The following LAMA2 variants were observed in gnomAD, a reference collection of about 807,000 sequenced individuals.
The protein encoded by LAMA2 is laminin subunit alpha 2.
LAMA2 carries 269 observed loss-of-function variants against 364.8 expected under a neutral mutation model. That is an observed-to-expected ratio of 0.74 (90% CI 0.67 to 0.82). LAMA2 has a LOEUF of 0.82. Among genes scored for constraint, LAMA2 ranks in the 40% least tolerant of loss-of-function variants. The pLI is 0.00. For missense variants in LAMA2, 3,807 were observed against 3,873.2 expected (o/e 0.98, Z 0.45); for synonymous variants, 1,379 against 1,370.6 (o/e 1.01, Z -0.14).
chr6:129,403,704 A>G, intron 39 of LAMA2, 117 bp from the exon 40 acceptor site: 1 of 913,094 alleles, frequency 1.1e-6, no homozygotes, highest in South Asian at 1.4e-5. Flanking sequence ...ATTATTTGGA[A>G]TTGTCATAGA....
chr6:129,361,787 T>TTA (rs1777476489), intron 32 of LAMA2, among the ~76,000 whole-genome samples: 1 of 148,396 alleles, frequency 6.7e-6, no homozygotes, highest in Admixed American at 6.7e-5. Flanking sequence ...AGTAACCTTT[T>TTA]TTTTTTTTTT....
intron 4 of LAMA2, among the ~76,000 whole-genome samples, chr6:129,140,971 A>G (rs1778089871): frequency 6.6e-6 from 1 of 152,006 alleles, no homozygotes; most frequent in African/African-American, 2.4e-5. Flanking sequence ...TTTTTTCCAA[A>G]AAGGTCCTTT....
chr6:129,403,940 C>T lies in LAMA2; in HGVS notation c.5846C>T (p.Ala1949Val). ...GTTGCCAAAGAAGCCAAAGATCTTG[C>T]ACATGAAGCTACAAAACTGGTAAGA... ...EKVAKEAKDLAHEATKLATGP... is the reference protein window; with the variant it reads ...EKVAKEAKDLVHEATKLATGP... The change falls in exon 40 of 65, where the codon GCA becomes GTA. Residue 1949 changes from alanine to valine, a missense_variant. By Grantham distance (64) the Ala-to-Val change is moderately conservative. Coordinates refer to ENST00000421865, the MANE Select transcript of LAMA2 (RefSeq NM_000426.4). 6.2e-7 allele frequency: 1 copy of T among 1,613,886 alleles called. No homozygotes were observed. Among genetic ancestry groups the T allele is most frequent in the African/African-American group, 1.3e-5 (1 of 75,038 alleles).
intron 12 of LAMA2, among the ~76,000 whole-genome samples, chr6:129,231,544 C>T (rs1784669150): frequency 6.6e-6 from 1 of 152,064 alleles, no homozygotes; most frequent in South Asian, 2.1e-4. Context: ...AAATGTTTTA[C>T]AATATTACAT....
chr6:128,983,542 A>G (rs1290947792), intron 1 of LAMA2, among the ~76,000 whole-genome samples: 1 of 152,206 alleles, frequency 6.6e-6, no homozygotes, highest in African/African-American at 2.4e-5. Context: ...AAATGGGAGT[A>G]TTCTAGATGC....
chr6:129,498,227 G>C (rs1785345009), intron 58 of LAMA2, among the ~76,000 whole-genome samples: 1 of 152,204 alleles, frequency 6.6e-6, no homozygotes. Flanking sequence ...AAGTAGCCAT[G>C]GAGAATTCCT....
intron 15 of LAMA2, among the ~76,000 whole-genome samples, chr6:129,264,085 G>A (rs1787324004): frequency 6.6e-6 from 1 of 152,124 alleles, no homozygotes; most frequent in Non-Finnish European, 1.5e-5. Flanking sequence ...GCTACAGTAG[G>A]AAGAATGTGT....
At chr6:128,901,476 C>T (rs1007372932) in intron 1 of LAMA2, among the ~76,000 whole-genome samples, 3 of 152,052 alleles carry the variant, frequency 2.0e-5, no homozygotes, top group Admixed American at 2.0e-4. Flanking sequence ...TATATACTAC[C>T]TTATATACTA....
intron 3 of LAMA2, among the ~76,000 whole-genome samples, chr6:129,091,966 C>G (rs2114860820): frequency 6.6e-6 from 1 of 152,172 alleles, no homozygotes; most frequent in Non-Finnish European, 1.5e-5. Context: ...TTTTGTTACA[C>G]AGTAAGAGCC....
chr6:129,080,257 G>A (rs535895281), intron 3 of LAMA2, among the ~76,000 whole-genome samples: 1 of 152,224 alleles, frequency 6.6e-6, no homozygotes, highest in African/African-American at 2.4e-5. Context: ...AAACAATAGA[G>A]CACAAGATGA....
At chr6:129,215,345 G>A (rs922469842) in intron 12 of LAMA2, among the ~76,000 whole-genome samples, 1 of 151,844 alleles carries the variant, frequency 6.6e-6, no homozygotes, top group Admixed American at 6.6e-5. Context: ...GTCATAAAGG[G>A]CTATGTTATG....
intron 22 of LAMA2, among the ~76,000 whole-genome samples, chr6:129,305,595 A>G (rs1773815697): frequency 6.6e-6 from 1 of 152,092 alleles, no homozygotes; most frequent in Non-Finnish European, 1.5e-5. Context: ...ACAGGTGTAT[A>G]CCACCATGCC....
chr6:129,138,711 G>A (rs186509179), intron 4 of LAMA2, among the ~76,000 whole-genome samples: 3 of 152,100 alleles, frequency 2.0e-5, no homozygotes, highest in East Asian at 1.9e-4. Context: ...TTCTGATAAG[G>A]TATGGTAAGA....
At chr6:128,956,682 T>C (rs924235268) in intron 1 of LAMA2, among the ~76,000 whole-genome samples, 5 of 152,118 alleles carry the variant, frequency 3.3e-5, no homozygotes, top group African/African-American at 1.2e-4. Flanking sequence ...GCTTTTCCTA[T>C]TGTTCTCTGT....
intron 32 of LAMA2, among the ~76,000 whole-genome samples, chr6:129,365,784 A>G (rs866403448): frequency 6.6e-6 from 1 of 152,148 alleles, no homozygotes; most frequent in Admixed American, 6.5e-5. Context: ...GACTTTCTCC[A>G]GTGCAATCTA....
intron 35 of LAMA2, among the ~76,000 whole-genome samples, chr6:129,389,711 C>A (rs747521421): frequency 2.0e-4 from 31 of 152,130 alleles, no homozygotes; most frequent in African/African-American, 2.4e-5. Flanking sequence ...AAAGCAAGGA[C>A]CTTCTTCACA....
At chr6:129,103,714 A>T (rs1260162848) in intron 4 of LAMA2, among the ~76,000 whole-genome samples, 1 of 152,146 alleles carries the variant, frequency 6.6e-6, no homozygotes, top group African/African-American at 2.4e-5. Context: ...TCATTGCATC[A>T]ATCATTTTTT....
At chr6:129,216,601 A>G (rs903677636) in intron 12 of LAMA2, among the ~76,000 whole-genome samples, 2 of 152,210 alleles carry the variant, frequency 1.3e-5, no homozygotes, top group African/African-American at 4.8e-5. Context: ...TCAATGTTGA[A>G]TCACAGAGGG....
intron 3 of LAMA2, among the ~76,000 whole-genome samples, chr6:129,087,464 C>T (rs1299018637): frequency 6.6e-6 from 1 of 152,180 alleles, no homozygotes; most frequent in Non-Finnish European, 1.5e-5. Context: ...GTCTTCTGGA[C>T]ACTCCTTCTA....
Sources: gnomAD v4.1 joint callset for allele counts (sites outside exome capture counted in the v4.1 genomes callset) on GRCh38, gnomAD v4.1.1 for gene constraint, MANE v1.5 for transcripts, NCBI Gene and HGNC (gene_info 2026-07-23, HGNC 2026-07-21) for gene names.